OR4C6: variants seen among roughly 807,000 people sequenced by gnomAD.
OR4C6 encodes olfactory receptor family 4 subfamily C member 6, also known as olfactory receptor 4C6.
Under a neutral mutation model 13.9 loss-of-function variants are expected in OR4C6, and 20 were observed. The observed-to-expected ratio is 1.43, with a 90% confidence interval of 1.01 to 2.08. The LOEUF (loss-of-function observed/expected upper bound fraction) is 2.08, where lower values mean the gene tolerates loss of function less well. Among genes scored for constraint, OR4C6 ranks in the 30% most tolerant of loss-of-function variants. The pLI is 0.00. For synonymous variants in OR4C6, 193 were observed against 141.5 expected, an observed-to-expected ratio of 1.36 and a Z score of -2.58; for missense variants, 555 against 381.2, an observed-to-expected ratio of 1.46 and a Z score of -3.80.
In OR4C6 at chr11:55,665,338, T is replaced by C; in HGVS notation, c.172T>C (p.Tyr58His). The change falls in exon 2 of 2, where the codon TAT (tyrosine) becomes CAT (histidine). Residue 58 changes from tyrosine (Y) to histidine (H), a missense_variant. Coordinates refer to ENST00000314259, the MANE Select transcript of OR4C6 (RefSeq NM_001004704.2). ...AAGTCAGAGTCTGAGGTCACCTATG[T>C]ATTTTTTTCTTACCTTCTTGTCCCT... is the stretch of plus-strand genomic sequence containing the variant. ...ITSQSLRSPM[Y>H]FFLTFLSLLD... 1 of 1,613,852 alleles carries C rather than the reference T, an allele frequency of 6.2e-7. No individual in the cohort carries two copies. Among genetic ancestry groups the C allele is most frequent in the East Asian group, 2.2e-5 (1 of 44,868 alleles).
At chr11:55,663,124 T>C (rs1858690318) in intron 1 of OR4C6, among the ~76,000 whole-genome samples, 1 of 138,074 alleles carries the variant, frequency 7.2e-6, no homozygotes, top group South Asian at 2.4e-4. Flanking sequence ...TGGCTAGGAC[T>C]TAGAGGTAGG....
At chr11:55,663,812 G>A (rs1479585694) in intron 1 of OR4C6, among the ~76,000 whole-genome samples, 3 of 138,012 alleles carry the variant, frequency 2.2e-5, no homozygotes, top group Non-Finnish European at 4.8e-5. Flanking sequence ...AGGGATGGGG[G>A]TGGAGTGGGC....
In OR4C6 at chr11:55,665,508, T is replaced by C; in HGVS notation, c.342T>C (p.Thr114=). The C allele has an allele frequency of 6.2e-7, 1 of 1,613,824 alleles. No homozygotes were observed. Among genetic ancestry groups the C allele is most frequent in the Non-Finnish European group, 8.5e-7 (1 of 1,179,970 alleles). ...GTGGTGTGGGGATCATCCTCCTCAC[T>C]GTGATGGCCTATGACCGCTACGTGG... ...FFGGVGIILL[T]VMAYDRYVAI... Residue 114 remains threonine, a synonymous_variant, in exon 2 of 2, where the codon ACT becomes ACC. Transcript: ENST00000314259.
chr11:55,663,629 G>T (rs1288110827), intron 1 of OR4C6, among the ~76,000 whole-genome samples: 1 of 138,468 alleles, frequency 7.2e-6, no homozygotes, highest in South Asian at 2.3e-4. Flanking sequence ...AGTTAGTGAT[G>T]CAAAGTGGAA....
chr11:55,664,457 G>T (rs943677842), intron 1 of OR4C6, among the ~76,000 whole-genome samples: 1 of 151,930 alleles, frequency 6.6e-6, no homozygotes, highest in African/African-American at 2.4e-5. Flanking sequence ...CTACTTTTAG[G>T]TATATGATGA....
At chr11:55,663,067 G>A (rs1444262915) in intron 1 of OR4C6, among the ~76,000 whole-genome samples, 1 of 138,830 alleles carries the variant, frequency 7.2e-6, no homozygotes, top group Non-Finnish European at 1.6e-5. Context: ...TGCTGTTGCA[G>A]AAATTGAGGA....
At position 55,665,181 on chromosome 11, in the gene OR4C6, C is replaced by T. The variant is rs756959299; in HGVS notation, c.15C>T (p.Asn5=). The change falls in exon 2 of 2, where the codon AAC becomes AAT. Residue 5 remains asparagine, a synonymous_variant. Coordinates refer to ENST00000314259, the MANE Select transcript of OR4C6 (RefSeq NM_001004704.2). MENQ[N]NVTEFILLGL... ...ACACCTGAGAAATGGAAAATCAAAA[C>T]AATGTGACTGAATTCATTCTTCTGG... 7 of 1,607,658 alleles carry T rather than the reference C, an allele frequency of 4.4e-6. No individual in the cohort carries two copies. The highest frequency in any genetic ancestry group is 6.0e-6 in the Non-Finnish European group (7 of 1,176,022).
chr11:55,665,405 T>C lies in OR4C6; in HGVS notation c.239T>C (p.Ile80Thr), dbSNP rs946971932. 5.6e-6 allele frequency: 9 copies of C among 1,613,710 alleles called. No homozygotes were observed. The highest frequency in any genetic ancestry group is 6.8e-6 in the Non-Finnish European group (8 of 1,179,956). ...TCATCTGTCGTTGCCCCCAAGGTGA[T>C]TGTAGACACCCTCTCCAAGAGCACT... ...MFSSVVAPKV[I>T]VDTLSKSTTI... Residue 80 changes from isoleucine to threonine, a missense_variant, in exon 2 of 2, where the codon ATT (isoleucine) becomes ACT (threonine). Coordinates refer to ENST00000314259, the MANE Select transcript of OR4C6 (RefSeq NM_001004704.2).
At chr11:55,663,076 G>A (rs1858689513) in intron 1 of OR4C6, among the ~76,000 whole-genome samples, 1 of 138,662 alleles carries the variant, frequency 7.2e-6, no homozygotes. Context: ...AGAAATTGAG[G>A]ACTGGGGAGG....
chr11:55,665,540 G>T lies in OR4C6; in HGVS notation c.374G>T (p.Cys125Phe). The part of the protein sequence containing the change: ...VMAYDRYVAI[C>F]KPLHYTIIMS... Reference sequence around the variant, plus strand: ...GCCTATGACCGCTACGTGGCCATCTGTAAGCCCCTGCACTACACGATCATC... The same window carrying T: ...GCCTATGACCGCTACGTGGCCATCTTTAAGCCCCTGCACTACACGATCATC... Residue 125 changes from cysteine (C) to phenylalanine (F), a missense_variant, in exon 2 of 2, where the codon TGT becomes TTT. Transcript: ENST00000314259. The T allele has an allele frequency of 1.9e-6, 3 of 1,613,880 alleles. No individual in the cohort carries two copies. The highest frequency in any genetic ancestry group is 2.5e-6 in the Non-Finnish European group (3 of 1,180,002).
In OR4C6 at chr11:55,664,169, A is replaced by T. The variant is rs560854747; in HGVS notation, c.-42-956A>T. 3.3e-5 allele frequency among the ~76,000 whole-genome samples: 5 copies of T among 152,160 alleles called. No individual in the cohort carries two copies. In the South Asian group the frequency reaches 1.0e-3, roughly 32 times the overall value. ...TCTTTACGATGGGAGTAGTATAGGT[A>T]CCTACCTCATGTGGTATCATGAGGT... On this transcript the variant is annotated intron_variant, in intron 1 of 1. Transcript: ENST00000314259.
chr11:55,665,316 T>G lies in OR4C6; in HGVS notation c.150T>G (p.Ser50Arg). Residue 50 changes from serine to arginine, a missense_variant, in exon 2 of 2, where the codon AGT becomes AGG. Transcript: ENST00000314259. ...TTATTGTGGTAACTATTATCACAAG[T>G]CAGAGTCTGAGGTCACCTATGTATT... The part of the protein sequence containing the change: ...NLLIVVTIIT[S>R]QSLRSPMYFF... 1 of 1,613,478 alleles carries G rather than the reference T, an allele frequency of 6.2e-7. No individual in the cohort carries two copies. The highest frequency in any genetic ancestry group is 8.5e-7 in the Non-Finnish European group (1 of 1,179,562).
Position 55,665,656 on chromosome 11 carries a change from A to C in OR4C6, c.490A>C (p.Ile164Leu), listed in dbSNP as rs1023411050. ...AMIQLLFMYQ[I>L]PFCGPNIIDH... ...GATACAACTTCTCTTCATGTATCAA[A>C]TACCCTTCTGTGGTCCTAATATCAT... The change falls in exon 2 of 2, where the codon ATA becomes CTA. Residue 164 changes from isoleucine to leucine, a missense_variant. Coordinates refer to ENST00000314259, the MANE Select transcript of OR4C6 (RefSeq NM_001004704.2). 1 of 1,613,836 alleles carries C rather than the reference A, an allele frequency of 6.2e-7. No homozygotes were observed.
chr11:55,665,867 C>T lies in OR4C6; in HGVS notation c.701C>T (p.Ala234Val). The change falls in exon 2 of 2, where the codon GCC (alanine) becomes GTC (valine). Residue 234 changes from alanine (A) to valine (V), a missense_variant. Transcript: ENST00000314259. ...TACAGCTCTAAAGGGCGGCACAAAG[C>T]CCTCTCTACCTGCAGCTCCCACCTC... ...KSYSSKGRHKALSTCSSHLTV... is the reference protein window; with the variant it reads ...KSYSSKGRHKVLSTCSSHLTV... 1 of 1,613,886 alleles carries T rather than the reference C, an allele frequency of 6.2e-7. No homozygotes were observed. The highest frequency in any genetic ancestry group is 8.5e-7 in the Non-Finnish European group (1 of 1,179,990).
In OR4C6 at chr11:55,665,486, G is replaced by C; in HGVS notation, c.320G>C (p.Gly107Ala). The C allele has an allele frequency of 6.2e-7, 1 of 1,613,836 alleles. No individual in the cohort carries two copies. Among genetic ancestry groups the C allele is most frequent in the African/African-American group, 1.3e-5 (1 of 74,832 alleles). Residue 107 changes from glycine to alanine, a missense_variant, in exon 2 of 2, where the codon GGT becomes GCT. Gly to Ala is a moderately conservative substitution (Grantham distance 60). Transcript: ENST00000314259. ...TQLFVEHFFG[G>A]VGIILLTVMA... ...CTGTTTGTGGAGCATTTCTTTGGTGGTGTGGGGATCATCCTCCTCACTGTG... is the reference window on the plus strand; with the variant it reads ...CTGTTTGTGGAGCATTTCTTTGGTGCTGTGGGGATCATCCTCCTCACTGTG...
chr11:55,664,968 G>A (rs1278534094), intron 1 of OR4C6, among the ~76,000 whole-genome samples, 157 bp from the exon 2 acceptor site: 2 of 152,126 alleles, frequency 1.3e-5, no homozygotes, highest in African/African-American at 2.4e-5. Flanking sequence ...CATAAATAAA[G>A]TATTTCCCTT....
rs775433479 is a variant in OR4C6, at chr11:55,665,955, C to T, written c.789C>T (p.His263=). The change falls in exon 2 of 2, where the codon CAC becomes CAT. Residue 263 remains histidine, a synonymous_variant. Coordinates refer to ENST00000314259, the MANE Select transcript of OR4C6 (RefSeq NM_001004704.2). ...TGTACATGAGGCCTGTGGTCACTCA[C>T]CCCATAGACAAGGCAATGGCTGTGT... ...IFLYMRPVVT[H]PIDKAMAVSD... is the part of the protein sequence containing the mutation. 7.4e-6 allele frequency: 12 copies of T among 1,613,882 alleles called. No homozygotes were observed. Among genetic ancestry groups the T allele is most frequent in the Non-Finnish European group, 8.5e-7 (1 of 1,179,940 alleles).
intron 1 of OR4C6, among the ~76,000 whole-genome samples, chr11:55,662,619 A>G (rs1480348802): frequency 1.4e-5 from 2 of 139,100 alleles, no homozygotes; most frequent in Non-Finnish European, 3.2e-5. Context: ...AGAAATATTC[A>G]GACTGGTGAA....
In OR4C6 at chr11:55,663,840, G is replaced by A. The variant is rs1386911620; in HGVS notation, c.-42-1285G>A. Among the ~76,000 whole-genome samples the A allele has an allele frequency of 1.5e-5, 2 of 137,912 alleles. 1 individual carries two copies. The highest frequency in any genetic ancestry group is 3.2e-5 in the Non-Finnish European group (2 of 62,170). The allele number at this position is 137,912 out of a possible 152,430, so 90.5% of individuals were successfully genotyped here. Reference sequence around the variant, plus strand: ...GAGTGGGCTACTGAAAAGCAGGAGTGACTTCTTAGCATTAACAGAGGGGCA... The same window carrying A: ...GAGTGGGCTACTGAAAAGCAGGAGTAACTTCTTAGCATTAACAGAGGGGCA... On this transcript the variant is annotated intron_variant, in intron 1 of 1. Coordinates refer to ENST00000314259, the MANE Select transcript of OR4C6 (RefSeq NM_001004704.2).
Sources: allele counts gnomAD v4.1 joint callset (sites outside exome capture counted in the v4.1 genomes callset), GRCh38; gene constraint gnomAD v4.1.1; transcripts MANE v1.5; gene names NCBI Gene and HGNC (gene_info 2026-07-23, HGNC 2026-07-21).